The following METAP1 variants were observed in gnomAD, a reference collection of about 807,000 sequenced individuals.
METAP1 encodes the protein methionyl aminopeptidase 1.
In METAP1, 28 loss-of-function variants were observed where a neutral mutation model predicts 53.8. The observed-to-expected ratio is 0.52, with a 90% CI of 0.39 to 0.71. The LOEUF (loss-of-function observed/expected upper bound fraction) is 0.71, where lower values mean the gene tolerates loss of function less well. METAP1 is among the 30% of genes least tolerant of loss of function. The pLI is 0.00. For missense variants in METAP1, 389 were observed against 479.8 expected, an observed-to-expected ratio of 0.81 and a Z score of 1.77; for synonymous variants, 181 against 165.7, an observed-to-expected ratio of 1.09 and a Z score of -0.71.
intron 1 of METAP1, among the ~76,000 whole-genome samples, chr4:99,008,918 A>C (rs1723325441): frequency 6.6e-6 from 1 of 152,136 alleles, no homozygotes; most frequent in African/African-American, 2.4e-5. Flanking sequence ...TTACTGTCTT[A>C]ATTATTTTTA....
chr4:99,026,453 G>A, intron 1 of METAP1: 1 of 985,424 alleles, frequency 1.0e-6, no homozygotes, highest in Non-Finnish European at 1.2e-6. Context: ...AATGGAATGG[G>A]TAAAGCTTCT....
At chr4:98,999,597 G>T (rs1722824427) in intron 1 of METAP1, among the ~76,000 whole-genome samples, 1 of 138,154 alleles carries the variant, frequency 7.2e-6, no homozygotes, top group Non-Finnish European at 1.6e-5. Context: ...TGCAACCTCT[G>T]CCTCCCGGGT....
At chr4:99,012,741 A>G (rs1315514257) in intron 1 of METAP1, among the ~76,000 whole-genome samples, 1 of 146,672 alleles carries the variant, frequency 6.8e-6, no homozygotes, top group African/African-American at 2.5e-5. Context: ...ACACAGCCTC[A>G]GGAGTTCTTG....
At chr4:99,059,857 A>G (rs1202437836) in intron 10 of METAP1, among the ~76,000 whole-genome samples, 3 of 152,046 alleles carry the variant, frequency 2.0e-5, no homozygotes, top group African/African-American at 7.2e-5. Context: ...TTATGCTCTC[A>G]CACCAGTCTT....
chr4:99,034,826 C>T (rs1319150273), intron 3 of METAP1, among the ~76,000 whole-genome samples: 1 of 152,060 alleles, frequency 6.6e-6, no homozygotes, highest in African/African-American at 2.4e-5. Context: ...TATATTTCTC[C>T]CTTAATTTAG....
intron 1 of METAP1, among the ~76,000 whole-genome samples, chr4:99,016,007 ATGG>A (rs1268754581): frequency 6.6e-6 from 1 of 151,996 alleles, no homozygotes; most frequent in African/African-American, 2.4e-5. Flanking sequence ...TGCGGTTTCG[ATGG>A]TCAATAACAT....
Position 99,018,761 on chromosome 4 carries a change from G to A in METAP1, c.115-10106G>A, listed in dbSNP as rs949111496. On this transcript the variant is annotated intron_variant, in intron 1 of 10. Transcript: ENST00000296411. Reference sequence around the variant, plus strand: ...GACAGGTAGGATAAGGGTATTATACGGAGACATGCAAGGCTCTAAAAGTCC... The same window carrying A: ...GACAGGTAGGATAAGGGTATTATACAGAGACATGCAAGGCTCTAAAAGTCC... 2.0e-5 allele frequency among the ~76,000 whole-genome samples: 3 copies of A among 152,242 alleles called. 1 individual carries two copies. Among genetic ancestry groups the A allele is most frequent in the South Asian group, 4.1e-4 (2 of 4,828 alleles).
intron 9 of METAP1, among the ~76,000 whole-genome samples, chr4:99,055,060 A>G (rs187266030): frequency 8.5e-5 from 13 of 152,230 alleles, no homozygotes; most frequent in Admixed American, 7.2e-4. Context: ...ACTTGCTCAG[A>G]GCAGGGTTGC....
chr4:99,056,264 GCT>G (rs1262442509), intron 9 of METAP1, among the ~76,000 whole-genome samples: 5 of 152,176 alleles, frequency 3.3e-5, no homozygotes, highest in Admixed American at 3.3e-4. Flanking sequence ...CATTCACTTA[GCT>G]GATACCCTTA....
chr4:99,006,479 A>G (rs1197892107), intron 1 of METAP1, among the ~76,000 whole-genome samples: 2 of 152,148 alleles, frequency 1.3e-5, no homozygotes, highest in African/African-American at 2.4e-5. Context: ...GTGTGTGTGT[A>G]TATGTGTATT....
intron 8 of METAP1, among the ~76,000 whole-genome samples, chr4:99,046,413 A>T (rs1726237886): frequency 6.6e-6 from 1 of 152,118 alleles, no homozygotes; most frequent in South Asian, 2.1e-4. Flanking sequence ...GAAGAAAAGA[A>T]AAAAAAGAAA....
intron 1 of METAP1, chr4:99,022,890 C>T (rs886896164): frequency 6.6e-7 from 1 of 1,517,876 alleles, no homozygotes; most frequent in African/African-American, 1.4e-5. Flanking sequence ...TCTCACAAAC[C>T]AGTCCTCAGC....
At chr4:99,044,184 T>G (rs1219157677) in intron 7 of METAP1, among the ~76,000 whole-genome samples, 1 of 152,112 alleles carries the variant, frequency 6.6e-6, no homozygotes, top group Non-Finnish European at 1.5e-5. Flanking sequence ...CACCTTGGCC[T>G]CCCAAAGTCT....
chr4:98,999,814 A>G (rs867438867), intron 1 of METAP1, among the ~76,000 whole-genome samples: 2 of 151,836 alleles, frequency 1.3e-5, no homozygotes, highest in African/African-American at 2.4e-5. Flanking sequence ...CCAGCCTAGG[A>G]TGTTTGATTT....
chr4:99,003,649 CTAAATTGTTTTT>C (rs1297612391), intron 1 of METAP1, among the ~76,000 whole-genome samples: 1 of 152,170 alleles, frequency 6.6e-6, no homozygotes, highest in African/African-American at 2.4e-5. Flanking sequence ...TGTATGTTTT[CTAAATTGTTTTT>C]GATATTGAGT....
chr4:99,034,436 A>G (rs982988840), intron 3 of METAP1, 94 bp downstream of exon 3: 1 of 750,280 alleles, frequency 1.3e-6, no homozygotes, highest in African/African-American at 1.8e-5. Context: ...TCATATAATC[A>G]GGATTGTGTT....
intron 1 of METAP1, among the ~76,000 whole-genome samples, chr4:99,019,353 C>T (rs1231874033): frequency 6.6e-6 from 1 of 152,168 alleles, no homozygotes; most frequent in Non-Finnish European, 1.5e-5. Context: ...CTCACGTATT[C>T]TTCCTCTCTG....
intron 1 of METAP1, among the ~76,000 whole-genome samples, chr4:99,015,922 A>C (rs1043851956): frequency 1.3e-5 from 2 of 152,226 alleles, no homozygotes; most frequent in South Asian, 2.1e-4. Flanking sequence ...CGGGGACCAC[A>C]ATCCAGGATT....
intron 1 of METAP1, chr4:99,022,441 C>T (rs2110310025): frequency 4.7e-6 from 3 of 633,448 alleles, no homozygotes; most frequent in Non-Finnish European, 5.4e-6. Flanking sequence ...CCATTCACAC[C>T]CTACTGGCTG....
Sources: allele counts gnomAD v4.1 joint callset (sites outside exome capture counted in the v4.1 genomes callset), GRCh38; gene constraint gnomAD v4.1.1; transcripts MANE v1.5; gene names NCBI Gene and HGNC (gene_info 2026-07-23, HGNC 2026-07-21).